Variants in LRMDA observed in about 807,000 individuals in gnomAD.
The protein encoded by LRMDA is leucine-rich melanocyte differentiation-associated protein.
In LRMDA, 18 loss-of-function variants were observed where a neutral mutation model predicts 29.8. The ratio of observed to expected loss-of-function variants is 0.60; its 90% CI spans 0.42 to 0.90. The LOEUF (loss-of-function observed/expected upper bound fraction) is 0.90, where lower values mean the gene tolerates loss of function less well. LRMDA is among the 40% of genes least tolerant of loss of function. The probability of loss-of-function intolerance (pLI) is 0.00; values close to 1 mark genes in which losing one functional copy is unlikely to be tolerated. For synonymous variants in LRMDA, 125 were observed against 109.4 expected (o/e 1.14, Z -0.89); for missense variants, 273 against 273.9 (o/e 1.00, Z 0.02).
At chr10:76,516,204 A>G (rs1320289791) in intron 6 of LRMDA, among the ~76,000 whole-genome samples, 1 of 152,222 alleles carries the variant, frequency 6.6e-6, no homozygotes, top group Non-Finnish European at 1.5e-5. Context: ...CATAAGAGTT[A>G]GCAAAAGAAA....
chr10:76,489,323 T>C (rs763821829), intron 6 of LRMDA, among the ~76,000 whole-genome samples: 5 of 151,980 alleles, frequency 3.3e-5, no homozygotes, highest in Non-Finnish European at 5.9e-5. Flanking sequence ...TAGTAGCCAC[T>C]AATTATCCTT....
At chr10:75,915,332 C>T (rs1417643356) in intron 2 of LRMDA, among the ~76,000 whole-genome samples, 2 of 151,910 alleles carry the variant, frequency 1.3e-5, no homozygotes, top group Non-Finnish European at 2.9e-5. Flanking sequence ...CATGAGGTTT[C>T]ACCATGTTGG....
intron 2 of LRMDA, among the ~76,000 whole-genome samples, chr10:75,446,365 A>G (rs1844397018): frequency 6.6e-6 from 1 of 152,200 alleles, no homozygotes; most frequent in African/African-American, 2.4e-5. Flanking sequence ...CGCTTAGAAG[A>G]TGGTGCTAGT....
At chr10:76,393,959 C>T (rs1337570590) in intron 6 of LRMDA, among the ~76,000 whole-genome samples, 2 of 152,064 alleles carry the variant, frequency 1.3e-5, no homozygotes, top group Admixed American at 6.6e-5. Context: ...TGTGGAAAAC[C>T]AGTTGACTGT....
At chr10:76,252,301 A>G (rs1192679431) in intron 5 of LRMDA, among the ~76,000 whole-genome samples, 1 of 152,224 alleles carries the variant, frequency 6.6e-6, no homozygotes, top group Non-Finnish European at 1.5e-5. Flanking sequence ...AAAAGAGGAA[A>G]AAAGGATTGC....
intron 5 of LRMDA, among the ~76,000 whole-genome samples, chr10:76,321,251 A>C (rs1278501138): frequency 6.6e-6 from 1 of 152,216 alleles, no homozygotes; most frequent in Non-Finnish European, 1.5e-5. Context: ...GAGATTGCTA[A>C]GTTACTCTTT....
chr10:76,199,321 A>G (rs1484185668), intron 5 of LRMDA, among the ~76,000 whole-genome samples: 1 of 152,204 alleles, frequency 6.6e-6, no homozygotes, highest in African/African-American at 2.4e-5. Context: ...TGGATTTCAT[A>G]TGCCCCGGTT....
At chr10:76,293,103 C>G (rs1489674994) in intron 5 of LRMDA, among the ~76,000 whole-genome samples, 1 of 152,178 alleles carries the variant, frequency 6.6e-6, no homozygotes, top group East Asian at 1.9e-4. Context: ...GCCTCAGCTT[C>G]CCAAGTAGCT....
chr10:76,011,617 T>C (rs1847783134), intron 2 of LRMDA, among the ~76,000 whole-genome samples: 2 of 152,184 alleles, frequency 1.3e-5, no homozygotes, highest in Admixed American at 1.3e-4. Flanking sequence ...TAAGTGCTCA[T>C]GAAAGTAGCC....
At chr10:75,839,491 CATG>C (rs1214120800) in intron 2 of LRMDA, among the ~76,000 whole-genome samples, 1 of 151,754 alleles carries the variant, frequency 6.6e-6, no homozygotes, top group Non-Finnish European at 1.5e-5. Context: ...GCTCCCATAA[CATG>C]ATATCAGCCT....
At chr10:75,757,951 C>T (rs1172382399) in intron 2 of LRMDA, among the ~76,000 whole-genome samples, 1 of 152,134 alleles carries the variant, frequency 6.6e-6, no homozygotes, top group Non-Finnish European at 1.5e-5. Flanking sequence ...AGACATATGT[C>T]ACGATGCCTG....
At chr10:75,563,002 T>C (rs1338634591) in intron 2 of LRMDA, among the ~76,000 whole-genome samples, 3 of 152,130 alleles carry the variant, frequency 2.0e-5, no homozygotes, top group African/African-American at 4.8e-5. Flanking sequence ...CTGACAATTA[T>C]GTGTCTTGGA....
At chr10:76,531,634 T>C (rs1449948766) in intron 6 of LRMDA, among the ~76,000 whole-genome samples, 3 of 152,208 alleles carry the variant, frequency 2.0e-5, no homozygotes, top group Non-Finnish European at 4.4e-5. Flanking sequence ...TAGGATAAAG[T>C]GTACTTGGTC....
chr10:76,471,310 G>A (rs931861471), intron 6 of LRMDA, among the ~76,000 whole-genome samples: 2 of 151,608 alleles, frequency 1.3e-5, no homozygotes, highest in African/African-American at 4.8e-5. Flanking sequence ...ACAAAAGGAG[G>A]AAGATGGAAC....
chr10:76,220,561 A>G (rs1373458637), intron 5 of LRMDA, among the ~76,000 whole-genome samples: 1 of 152,232 alleles, frequency 6.6e-6, no homozygotes, highest in African/African-American at 2.4e-5. Context: ...CCCTCCCAAG[A>G]CTAAACCAGA....
chr10:75,894,529 T>C (rs1703463248), intron 2 of LRMDA, among the ~76,000 whole-genome samples: 1 of 152,242 alleles, frequency 6.6e-6, no homozygotes, highest in Non-Finnish European at 1.5e-5. Flanking sequence ...CTTCTTTTCC[T>C]CTGGGTAGAC....
intron 2 of LRMDA, among the ~76,000 whole-genome samples, chr10:75,512,668 A>G (rs1845238641): frequency 1.3e-5 from 2 of 152,104 alleles, no homozygotes; most frequent in Admixed American, 1.3e-4. Context: ...TCCCAGAGGA[A>G]TGAAATGGGC....
At chr10:76,434,324 A>ACT (rs923173796) in intron 6 of LRMDA, among the ~76,000 whole-genome samples, 72 of 140,222 alleles carry the variant, frequency 5.1e-4, no homozygotes, top group Middle Eastern at 3.6e-3. Context: ...TTTCTTATTT[A>ACT]CTCTCTCTCT....
chr10:75,692,826 G>A (rs78856051), intron 2 of LRMDA, among the ~76,000 whole-genome samples: 2,470 of 152,176 alleles, frequency 0.016, 77 homozygotes, highest in African/African-American at 0.052. Flanking sequence ...AGAATGCCAC[G>A]TGTGTGTGCA....
Sources: gnomAD v4.1 joint callset for allele counts (sites outside exome capture counted in the v4.1 genomes callset) on GRCh38, gnomAD v4.1.1 for gene constraint, MANE v1.5 for transcripts, NCBI Gene and HGNC (gene_info 2026-07-23, HGNC 2026-07-21) for gene names.